ZNF790: variants seen among roughly 807,000 people sequenced by gnomAD.
ZNF790 encodes the protein zinc finger protein 790.
In ZNF790, 8 loss-of-function variants were observed where a neutral mutation model predicts 12.1. The observed-to-expected ratio is 0.66, with a 90% confidence interval of 0.39 to 1.19. ZNF790 has a LOEUF of 1.19. ZNF790 is among the 50% of genes most tolerant of loss of function. The pLI is 0.01. For synonymous variants in ZNF790, 252 were observed against 244.3 expected, an observed-to-expected ratio of 1.03 and a Z score of -0.29; for missense variants, 707 against 752.2, an observed-to-expected ratio of 0.94 and a Z score of 0.70.
intron 1 of ZNF790, among the ~76,000 whole-genome samples, chr19:36,828,614 A>T (rs1463689034): frequency 6.6e-6 from 1 of 152,130 alleles, no homozygotes; most frequent in Non-Finnish European, 1.5e-5. Context: ...ATAGGGTGGG[A>T]CTACAGGAAT....
chr19:36,833,768 G>A (rs938521116), intron 1 of ZNF790, among the ~76,000 whole-genome samples: 10 of 152,054 alleles, frequency 6.6e-5, no homozygotes, highest in African/African-American at 2.2e-4. Context: ...TTCCCCTCAC[G>A]ACACAAAAAT....
intron 1 of ZNF790, among the ~76,000 whole-genome samples, chr19:36,833,608 C>A (rs1271522692): frequency 6.6e-6 from 1 of 152,098 alleles, no homozygotes; most frequent in African/African-American, 2.4e-5. Context: ...AAAAGATATA[C>A]CATGCAAATC....
At position 36,825,661 on chromosome 19, in the gene ZNF790, T is replaced by C. The variant is rs1419535296; in HGVS notation, c.-42A>G. 1.2e-6 allele frequency: 2 copies of C among 1,612,894 alleles called. No individual in the cohort carries two copies. The highest frequency in any genetic ancestry group is 1.1e-5 in the South Asian group (1 of 91,066). ...TCCACCAGTCCTTCTCTGGATTCTT[T>C]CTTGGTGAGGCAGCGTGCTGGGAAA... On this transcript the variant is annotated 5_prime_UTR_variant, in exon 2 of 5. Coordinates refer to ENST00000356725, the MANE Select transcript of ZNF790 (RefSeq NM_206894.4).
chr19:36,823,992 C>CTTGTTT (rs2071736106), intron 2 of ZNF790, among the ~76,000 whole-genome samples: 1 of 104,380 alleles, frequency 9.6e-6, no homozygotes, highest in African/African-American at 4.2e-5. Context: ...TCTACATGCT[C>CTTGTTT]TTTTTTTTTT....
intron 2 of ZNF790, among the ~76,000 whole-genome samples, chr19:36,824,196 T>A (rs1231872763): frequency 6.6e-6 from 1 of 151,794 alleles, no homozygotes; most frequent in Admixed American, 6.6e-5. Context: ...ACGGGGTTTC[T>A]CCGTGTTAGT....
intron 4 of ZNF790, among the ~76,000 whole-genome samples, chr19:36,822,581 C>G (rs2071698286): frequency 6.6e-6 from 1 of 152,236 alleles, no homozygotes; most frequent in Non-Finnish European, 1.5e-5. Flanking sequence ...TGTACTCCAG[C>G]CCAGGCTAGA....
upstream of ZNF790, among the ~76,000 whole-genome samples, chr19:36,839,880 T>C (rs1174795870): frequency 6.6e-6 from 1 of 152,026 alleles, no homozygotes; most frequent in East Asian, 2.0e-4. Flanking sequence ...TTGGCTAACA[T>C]GGTAAAACCC....
intron 1 of ZNF790, among the ~76,000 whole-genome samples, chr19:36,849,144 C>T (rs1292184962): frequency 6.6e-6 from 1 of 152,054 alleles, no homozygotes; most frequent in Non-Finnish European, 1.5e-5. Context: ...TCAGGCTGGT[C>T]TCAAACTCCT....
At position 36,818,902 on chromosome 19, in the gene ZNF790, T is replaced by G; in HGVS notation, c.1442A>C (p.Lys481Thr). The change falls in exon 5 of 5, where the codon AAG (lysine) becomes ACG (threonine). Residue 481 changes from lysine (K) to threonine (T), a missense_variant. Coordinates refer to ENST00000356725, the MANE Select transcript of ZNF790 (RefSeq NM_206894.4). The part of the protein sequence containing the change: ...IHTGERNYEC[K>T]ECGKTFFRGS... ...ACGAAAAAAGGTCTTTCCACATTCCTTACATTCATAGTTTCTCTCACCAGT... is the reference window on the plus strand; with the variant it reads ...ACGAAAAAAGGTCTTTCCACATTCCGTACATTCATAGTTTCTCTCACCAGT... 1 of 1,610,990 alleles carries G rather than the reference T, an allele frequency of 6.2e-7. No individual in the cohort carries two copies. The highest frequency in any genetic ancestry group is 2.2e-5 in the East Asian group (1 of 44,874).
In ZNF790 at chr19:36,819,063, G is replaced by T. The variant is rs768251195; in HGVS notation, c.1281C>A (p.Cys427Ter). 1.2e-6 allele frequency: 2 copies of T among 1,613,912 alleles called. No individual in the cohort carries two copies. Among genetic ancestry groups the T allele is most frequent in the South Asian group, 1.1e-5 (1 of 91,058 alleles). Residue 427 changes from cysteine (C) to a stop codon, truncating the protein, a stop_gained, in exon 5 of 5, where the codon TGC becomes TGA. Transcript: ENST00000356725. LOFTEE classifies it low-confidence loss of function (END_TRUNC). ...TGRKPYECKQ[C>*]GKTFTWASYL... is the part of the protein sequence containing the mutation. ...ACGAAGCCCAAGTAAAAGTCTTCCC[G>T]CATTGCTTACATTCATAAGGTTTCC...
chr19:36,818,872 G>A lies in ZNF790; in HGVS notation c.1472C>T (p.Ser491Leu), dbSNP rs753815816. The A allele has an allele frequency of 6.2e-7, 1 of 1,612,986 alleles. No homozygotes were observed. The highest frequency in any genetic ancestry group is 1.7e-5 in the Admixed American group (1 of 59,766). The change falls in exon 5 of 5, where the codon TCA becomes TTA. Residue 491 changes from serine to leucine, a missense_variant. By Grantham distance (145) the Ser-to-Leu change is moderately radical. Coordinates refer to ENST00000356725, the MANE Select transcript of ZNF790 (RefSeq NM_206894.4). Reference sequence around the variant, plus strand: ...AATTTTCTGGTGTCGATTAAGTTCTGAACCACGAAAAAAGGTCTTTCCACA... The same window carrying A: ...AATTTTCTGGTGTCGATTAAGTTCTAAACCACGAAAAAAGGTCTTTCCACA... ...KECGKTFFRG[S>L]ELNRHQKIHT... is the part of the protein sequence containing the mutation.
chr19:36,825,611 A>G lies in ZNF790; in HGVS notation c.9T>C (p.His3=), dbSNP rs1349301567. 1 of 1,614,118 alleles carries G rather than the reference A, an allele frequency of 6.2e-7. No homozygotes were observed. The highest frequency in any genetic ancestry group is 1.1e-5 in the South Asian group (1 of 91,082). MA[H]LMMFRDVAVD... ...TTGGAGAGAGGCAATTCCAACTCAC[A>G]TGGGCCATGACTTAACATTCCAAGT... The change falls in exon 2 of 5, where the codon CAT becomes CAC. Residue 3 remains histidine (H), a splice_region_variant and synonymous_variant. Transcript: ENST00000356725.
chr19:36,825,033 GTT>G (rs1246960281), intron 2 of ZNF790, among the ~76,000 whole-genome samples: 1 of 152,012 alleles, frequency 6.6e-6, no homozygotes, highest in East Asian at 1.9e-4. Context: ...CATCAGATGA[GTT>G]TTTTGTCGAT....
chr19:36,848,350 C>G (rs1337699790), intron 1 of ZNF790, among the ~76,000 whole-genome samples: 4 of 152,172 alleles, frequency 2.6e-5, no homozygotes, highest in African/African-American at 9.7e-5. Flanking sequence ...ATTAATCATG[C>G]CTACATAATG....
chr19:36,821,915 TCTC>T (rs2071682287), intron 4 of ZNF790, among the ~76,000 whole-genome samples: 1 of 152,104 alleles, frequency 6.6e-6, no homozygotes, highest in South Asian at 2.1e-4. Context: ...ACTGTGTTCT[TCTC>T]GTTGTACTTC....
intron 4 of ZNF790, among the ~76,000 whole-genome samples, chr19:36,820,843 C>T (rs545514019): frequency 6.6e-6 from 1 of 150,810 alleles, no homozygotes; most frequent in East Asian, 1.9e-4. Flanking sequence ...TGCAGGGAGC[C>T]ATGATCACAC....
At chr19:36,835,140 T>G (rs2072019353) in intron 1 of ZNF790, among the ~76,000 whole-genome samples, 1 of 151,928 alleles carries the variant, frequency 6.6e-6, no homozygotes, top group Admixed American at 6.6e-5. Flanking sequence ...ACAAAAAAAA[T>G]TAGCCGGGCA....
intron 1 of ZNF790, among the ~76,000 whole-genome samples, chr19:36,837,288 T>C (rs1270260634): frequency 6.6e-6 from 1 of 152,166 alleles, no homozygotes; most frequent in East Asian, 1.9e-4. Context: ...TTCAACCACT[T>C]CCTTGAACAC....
intron 1 of ZNF790, among the ~76,000 whole-genome samples, chr19:36,844,723 A>C (rs2146094878): frequency 6.6e-6 from 1 of 152,300 alleles, no homozygotes; most frequent in Admixed American, 6.5e-5. Flanking sequence ...CAGACAGACC[A>C]TGAGAATCCA....
Sources: gnomAD v4.1 joint callset for allele counts (sites outside exome capture counted in the v4.1 genomes callset) on GRCh38, gnomAD v4.1.1 for gene constraint, MANE v1.5 for transcripts, NCBI Gene and HGNC (gene_info 2026-07-23, HGNC 2026-07-21) for gene names.